UBXN6: variants seen among roughly 807,000 people sequenced by gnomAD.
UBXN6 encodes the protein UBX domain-containing protein 6.
Under a neutral mutation model 51.4 loss-of-function variants are expected in UBXN6, and 44 were observed. That is an observed-to-expected ratio of 0.86 (90% CI 0.67 to 1.10). The LOEUF (loss-of-function observed/expected upper bound fraction) is 1.10, where lower values mean the gene tolerates loss of function less well. UBXN6 is among the 50% of genes least tolerant of loss of function. The pLI is 0.00. For synonymous variants in UBXN6, 316 were observed against 263.2 expected (o/e 1.20, Z -1.94); for missense variants, 672 against 596.1 (o/e 1.13, Z -1.32).
intron 6 of UBXN6, 156 bp from the exon 7 acceptor site, chr19:4,447,076 C>T: frequency 1.5e-6 from 1 of 677,260 alleles, no homozygotes; most frequent in South Asian, 1.9e-5. Context: ...TGGATGCAAA[C>T]CTGCTTTTCT....
Position 4,452,433 on chromosome 19 carries a change from G to T in UBXN6, c.372C>A (p.Thr124=). 1 of 1,612,830 alleles carries T rather than the reference G, an allele frequency of 6.2e-7. No individual in the cohort carries two copies. Among genetic ancestry groups the T allele is most frequent in the Non-Finnish European group, 8.5e-7 (1 of 1,179,970 alleles). Residue 124 remains threonine (T), a synonymous_variant, in exon 4 of 11, where the codon ACC becomes ACA. Transcript: ENST00000301281. ...TCAGGGTGGCCCCAGTGAGCGGACA[G>T]GTGAAGTACACGCCAGGCACAGCCA... ...AHLAVPGVYF[T]CPLTGATLRK...
chr19:4,451,296 G>C (rs1974649899), intron 4 of UBXN6, among the ~76,000 whole-genome samples: 1 of 152,126 alleles, frequency 6.6e-6, no homozygotes, highest in Admixed American at 6.5e-5. Flanking sequence ...GACCTCAGGT[G>C]ATCCACCTGC....
At chr19:4,453,619 C>T in intron 2 of UBXN6, 97 bp from the exon 3 acceptor site, 1 of 1,415,656 alleles carries the variant, frequency 7.1e-7, no homozygotes, top group South Asian at 1.2e-5. Flanking sequence ...GCCTGGGGGC[C>T]ACGCACACCG....
chr19:4,447,488 C>T (rs1974559317), intron 6 of UBXN6, 62 bp downstream of exon 6: 1 of 1,588,764 alleles, frequency 6.3e-7, no homozygotes, highest in African/African-American at 1.3e-5. Context: ...CCACCACCGG[C>T]TCCTGCAGGC....
intron 4 of UBXN6, among the ~76,000 whole-genome samples, chr19:4,451,624 G>GA (rs1287179786): frequency 2.0e-5 from 3 of 151,976 alleles, no homozygotes; most frequent in South Asian, 2.1e-4. Flanking sequence ...TGCTGTATTG[G>GA]AAAAAAATGC....
rs1047918211 is a variant in UBXN6 at position 4,447,800 on chromosome 19, A to C, written c.540-175T>G. 4.6e-6 allele frequency: 3 copies of C among 647,464 alleles called. No individual in the cohort carries two copies. The African/African-American group carries it at 5.4e-5, about 12-fold the overall frequency. The allele number at this position is 647,464 out of a possible 1,614,324, so 40.1% of individuals were successfully genotyped here. A position where few individuals can be genotyped will look rare whatever the true frequency, so the allele number is the denominator to read the frequency against. On this transcript the variant is annotated intron_variant, in intron 5 of 10. Transcript: ENST00000301281. ...TCTCCGGGTGGAAGGCACACCTCGGACACCCCATGGAGCCCACCCCTGGTG... is the reference window on the plus strand; with the variant it reads ...TCTCCGGGTGGAAGGCACACCTCGGCCACCCCATGGAGCCCACCCCTGGTG...
chr19:4,452,332 G>A (rs1274302676), intron 4 of UBXN6, 32 bp downstream of exon 4: 6 of 1,607,870 alleles, frequency 3.7e-6, no homozygotes, highest in African/African-American at 1.3e-5. Context: ...GAAGCTACAG[G>A]TTGGGGCAGG....
At chr19:4,447,823 G>C in intron 5 of UBXN6, 198 bp from the exon 6 acceptor site, 1 of 598,372 alleles carries the variant, frequency 1.7e-6, no homozygotes, top group South Asian at 1.8e-5. Context: ...CCCACCCCTG[G>C]TGCCAGCAGG....
chr19:4,452,601 C>T (rs373300757), intron 3 of UBXN6, 109 bp from the exon 4 acceptor site: 3 of 1,399,272 alleles, frequency 2.1e-6, no homozygotes, highest in East Asian at 2.6e-5. Context: ...TCTCCAGCCC[C>T]CATGCTGTCC....
chr19:4,452,857 C>G (rs1974678052), intron 3 of UBXN6, among the ~76,000 whole-genome samples: 1 of 152,214 alleles, frequency 6.6e-6, no homozygotes, highest in South Asian at 2.1e-4. Flanking sequence ...GTGCGCTGGA[C>G]AAGGCATGAC....
At chr19:4,448,038 G>C (rs1260897937) in intron 5 of UBXN6, 3 of 544,004 alleles carry the variant, frequency 5.5e-6, no homozygotes, top group Non-Finnish European at 9.9e-6. Context: ...CCGGGGAGTG[G>C]GGTGGGACCC....
intron 1 of UBXN6, among the ~76,000 whole-genome samples, chr19:4,456,219 C>T (rs1355973839): frequency 1.3e-5 from 2 of 150,582 alleles, no homozygotes; most frequent in African/African-American, 2.5e-5. Context: ...GCCCCAGCAC[C>T]CCCCACCCAC....
intron 10 of UBXN6, 65 bp downstream of exon 10, chr19:4,445,984 G>T: frequency 6.5e-7 from 1 of 1,535,252 alleles, no homozygotes; most frequent in Non-Finnish European, 8.8e-7. Context: ...GGGGGTGTCT[G>T]TGCCGGTCCC....
intron 1 of UBXN6, among the ~76,000 whole-genome samples, chr19:4,454,614 G>A (rs1974713068): frequency 2.0e-5 from 3 of 152,246 alleles, no homozygotes; most frequent in East Asian, 1.9e-4. Context: ...ACAGGGTCTC[G>A]CTATGTAGCT....
In UBXN6 at chr19:4,448,369, G is replaced by T. The variant is rs756042421; in HGVS notation, c.488C>A (p.Thr163Lys). 3 of 1,610,528 alleles carry T rather than the reference G, an allele frequency of 1.9e-6. No individual in the cohort carries two copies. Among genetic ancestry groups the T allele is most frequent in the Non-Finnish European group, 2.5e-6 (3 of 1,178,850 alleles). Residue 163 changes from threonine to lysine, a missense_variant, in exon 5 of 11, where the codon ACG (threonine) becomes AAG (lysine). Transcript: ENST00000301281. Reference sequence around the variant, plus strand: ...CACCCGGTCCTGGTCTTTGTTGAACGTGTAGATCTTCATGATGGAGGCGGC... The same window carrying T: ...CACCCGGTCCTGGTCTTTGTTGAACTTGTAGATCTTCATGATGGAGGCGGC... ...PVAASIMKIY[T>K]FNKDQDRVKL...
chr19:4,456,373 A>C (rs1193951944), intron 1 of UBXN6, among the ~76,000 whole-genome samples: 18 of 79,498 alleles, frequency 2.3e-4, no homozygotes, highest in Middle Eastern at 5.8e-3. Context: ...TCACCACCCC[A>C]CTGCCCCGTG....
At chr19:4,447,675 G>A (rs759293083) in intron 5 of UBXN6, 50 bp from the exon 6 acceptor site, 46 of 1,593,280 alleles carry the variant, frequency 2.9e-5, no homozygotes, top group Non-Finnish European at 3.4e-5. Context: ...CTGCCCACCC[G>A]GCCCCTCTGT....
rs754920309 is a variant in UBXN6 at position 4,454,034 on chromosome 19, G to T, written c.143C>A (p.Pro48His). The change falls in exon 2 of 11, where the codon CCC (proline) becomes CAC (histidine). Residue 48 changes from proline (P) to histidine (H), a missense_variant. Transcript: ENST00000301281. ...GGCTGCCATCTGTGCCTCATTGGTGGGTCCCTGGCGGGGCGGCCTGGGGGC... is the reference window on the plus strand; with the variant it reads ...GGCTGCCATCTGTGCCTCATTGGTGTGTCCCTGGCGGGGCGGCCTGGGGGC... The part of the protein sequence containing the change: ...QPAPRPPRQG[P>H]TNEAQMAAAA... 1 of 1,592,248 alleles carries T rather than the reference G, an allele frequency of 6.3e-7. No homozygotes were observed. Among genetic ancestry groups the T allele is most frequent in the South Asian group, 1.1e-5 (1 of 88,904 alleles).
At chr19:4,453,887 C>T (rs1247486249) in intron 2 of UBXN6, 43 bp downstream of exon 2, 1 of 1,591,220 alleles carries the variant, frequency 6.3e-7, no homozygotes, top group Admixed American at 1.8e-5. Context: ...GGCCGAGAAC[C>T]TCAAACAGCC....
Sources: gnomAD v4.1 joint callset for allele counts (sites outside exome capture counted in the v4.1 genomes callset) on GRCh38, gnomAD v4.1.1 for gene constraint, MANE v1.5 for transcripts, NCBI Gene and HGNC (gene_info 2026-07-23, HGNC 2026-07-21) for gene names.